The following CAMK2B variants were observed in gnomAD, a reference collection of about 807,000 sequenced individuals.
CAMK2B encodes the protein calcium/calmodulin dependent protein kinase II beta, also known as calcium/calmodulin-dependent protein kinase type II subunit beta.
A neutral mutation model predicts 93.7 loss-of-function variants in CAMK2B; 27 were observed. That is an observed-to-expected ratio of 0.29 (90% CI 0.21 to 0.40). The LOEUF (loss-of-function observed/expected upper bound fraction) is 0.40. Among genes scored for constraint, CAMK2B ranks in the 10% least tolerant of loss-of-function variants. CAMK2B has a pLI of 1.00. For synonymous variants in CAMK2B, 374 were observed against 358.8 expected (o/e 1.04, Z -0.48); for missense variants, 568 against 895.8 (o/e 0.63, Z 4.67).
intron 12 of CAMK2B, 35 bp downstream of exon 12, chr7:44,240,672 G>A (rs1462193056): frequency 6.2e-7 from 1 of 1,611,116 alleles, no homozygotes; most frequent in South Asian, 1.1e-5. Context: ...GCAGGGAGGG[G>A]GCAGCGCCTG....
At position 44,284,524 on chromosome 7, in the gene CAMK2B, G is replaced by T. The variant is rs919349297; in HGVS notation, c.66-299C>A. Among the ~76,000 whole-genome samples the T allele has an allele frequency of 4.6e-5, 7 of 152,246 alleles. 1 individual carries two copies. The highest frequency in any genetic ancestry group is 3.9e-4 in the Admixed American group (6 of 15,290). ...GAAGAAGGATCAGTCAGGCCCTCGG[G>T]AGGGTGGCGGAGGGGCCCCGTTCAG... On this transcript the variant is annotated intron_variant, in intron 1 of 23. Coordinates refer to ENST00000395749, the MANE Select transcript of CAMK2B (RefSeq NM_001220.5).
At chr7:44,239,749 CAAAG>C (rs2096659154) in intron 12 of CAMK2B, 86 bp from the exon 13 acceptor site, 1 of 917,926 alleles carries the variant, frequency 1.1e-6, no homozygotes, top group Admixed American at 2.1e-5. Flanking sequence ...AGAAAAGAGA[CAAAG>C]GAAGCAGAAG....
At position 44,286,763 on chromosome 7, in the gene CAMK2B, G is replaced by A. The variant is rs543809405; in HGVS notation, c.66-2538C>T. ...GGAGCAGTCAGCAATCGGGGAAGGC[G>A]GGGGCAGGGAACACAGGTAAGACTG... On this transcript the variant is annotated intron_variant, in intron 1 of 23. Transcript: ENST00000395749. The surrounding 1 kb of genome is among the most constrained non-coding windows in gnomAD (Gnocchi z 4.0). 5.8e-4 allele frequency among the ~76,000 whole-genome samples: 88 copies of A among 152,344 alleles called. No individual in the cohort carries two copies. Among genetic ancestry groups the A allele is most frequent in the African/African-American group, 2.1e-3 (87 of 41,570 alleles).
intron 2 of CAMK2B, among the ~76,000 whole-genome samples, chr7:44,270,339 G>A (rs914745678): frequency 4.6e-5 from 7 of 152,202 alleles, no homozygotes; most frequent in Admixed American, 3.3e-4. Flanking sequence ...TGGGCCAGAA[G>A]CTGTGTACTG....
At chr7:44,304,438 G>A (rs1405502926) in intron 1 of CAMK2B, among the ~76,000 whole-genome samples, 2 of 152,138 alleles carry the variant, frequency 1.3e-5, no homozygotes. Context: ...GCTACACAAA[G>A]ACAGGTTCCT....
At chr7:44,221,495 C>T (rs941107275) in intron 20 of CAMK2B, among the ~76,000 whole-genome samples, 2 of 149,850 alleles carry the variant, frequency 1.3e-5, no homozygotes, top group Admixed American at 6.6e-5. Context: ...GGGGCGGCCA[C>T]GTGCGGCGCA....
At chr7:44,317,323 T>C (rs1286572249) in intron 1 of CAMK2B, among the ~76,000 whole-genome samples, 1 of 151,150 alleles carries the variant, frequency 6.6e-6, no homozygotes, top group Non-Finnish European at 1.5e-5. Context: ...ACTGTCACCA[T>C]GTAGTCATAA....
At chr7:44,228,979 G>A (rs746620577) in intron 18 of CAMK2B, 55 bp from the exon 19 acceptor site, 81 of 1,589,084 alleles carry the variant, frequency 5.1e-5, no homozygotes, top group South Asian at 1.3e-4. Context: ...ACGAGGCGGC[G>A]GCAAGGCGGA....
chr7:44,240,579 G>C, intron 12 of CAMK2B, 128 bp downstream of exon 12: 1 of 1,057,700 alleles, frequency 9.5e-7, no homozygotes, highest in South Asian at 1.4e-5. Context: ...TCTCAGAGCT[G>C]AGGGCAGACG....
chr7:44,323,482 G>A (rs1796673720), intron 1 of CAMK2B, among the ~76,000 whole-genome samples: 1 of 152,246 alleles, frequency 6.6e-6, no homozygotes, highest in South Asian at 2.1e-4. Context: ...CCATTCCCCA[G>A]TGTGGGTGGC....
intron 10 of CAMK2B, among the ~76,000 whole-genome samples, chr7:44,241,994 T>A (rs563251797): frequency 6.6e-6 from 1 of 152,250 alleles, no homozygotes; most frequent in African/African-American, 2.4e-5. Context: ...AGGACTGCAG[T>A]TGGGAGGAAG....
intron 10 of CAMK2B, 78 bp from the exon 11 acceptor site, chr7:44,241,861 C>A: frequency 1.7e-6 from 2 of 1,173,592 alleles, no homozygotes; most frequent in East Asian, 2.4e-5. Flanking sequence ...GCTTGTGGCA[C>A]CCTGGGGTCC....
At chr7:44,249,004 T>C (rs1460588838) in intron 5 of CAMK2B, among the ~76,000 whole-genome samples, 1 of 152,092 alleles carries the variant, frequency 6.6e-6, no homozygotes, top group South Asian at 2.1e-4. Flanking sequence ...GCCCATTTGT[T>C]GAAACATCCT....
chr7:44,293,662 T>C (rs1787480477), intron 1 of CAMK2B, among the ~76,000 whole-genome samples: 1 of 152,200 alleles, frequency 6.6e-6, no homozygotes, highest in Admixed American at 6.5e-5. Flanking sequence ...GCGCGCAACC[T>C]AGATCCCTCG....
At chr7:44,320,133 TAATAA>T (rs1336337628) in intron 1 of CAMK2B, among the ~76,000 whole-genome samples, 1 of 152,170 alleles carries the variant, frequency 6.6e-6, no homozygotes, top group Non-Finnish European at 1.5e-5. Flanking sequence ...GTAATTTAAT[TAATAA>T]AATAAAAATT....
chr7:44,313,632 G>A (rs757632677), intron 1 of CAMK2B, among the ~76,000 whole-genome samples: 1 of 150,814 alleles, frequency 6.6e-6, no homozygotes, highest in Non-Finnish European at 1.5e-5. Flanking sequence ...GGTACAGACG[G>A]CATCTTCCCC....
chr7:44,227,762 ACAGAGGGAGAGTC>A lies in CAMK2B; in HGVS notation c.1468+1021_1468+1033del, dbSNP rs1562805535. The stretch of plus-strand genomic sequence containing the variant: ...TGGGGGACAGAGGAGGGTGTGGGGG[ACAGAGGGAGAGTC>A]TGGGGGACAGAGGAGGGTGTGGGGG... On this transcript the variant is annotated intron_variant, in intron 19 of 23. Transcript: ENST00000395749. 9.8e-4 allele frequency among the ~76,000 whole-genome samples: 6 copies of A among 6,146 alleles called. 1 individual carries two copies. The highest frequency in any genetic ancestry group is 6.3e-3 in the Admixed American group (3 of 474). 4.0% of individuals were successfully genotyped at this position (6,146 alleles called of 152,430 possible).
chr7:44,321,602 C>T (rs574462021), intron 1 of CAMK2B, among the ~76,000 whole-genome samples: 1 of 152,336 alleles, frequency 6.6e-6, no homozygotes, highest in African/African-American at 2.4e-5. Flanking sequence ...GTAATGTACA[C>T]ATTAGGTGTT....
At chr7:44,257,580 G>T (rs1449835144) in intron 4 of CAMK2B, among the ~76,000 whole-genome samples, 1 of 152,256 alleles carries the variant, frequency 6.6e-6, no homozygotes, top group Non-Finnish European at 1.5e-5. Flanking sequence ...GGGGCACACA[G>T]GTGTGGCAGC....
Sources: allele counts gnomAD v4.1 joint callset (sites outside exome capture counted in the v4.1 genomes callset), GRCh38; gene constraint gnomAD v4.1.1; non-coding constraint Gnocchi (gnomAD v3.1); transcripts MANE v1.5; gene names NCBI Gene and HGNC (gene_info 2026-07-23, HGNC 2026-07-21).